The following SDHAF3 variants were observed in gnomAD, a reference collection of about 807,000 sequenced individuals.
SDHAF3 encodes succinate dehydrogenase assembly factor 3, mitochondrial.
Under a neutral mutation model 11.5 loss-of-function variants are expected in SDHAF3, and 18 were observed. The observed-to-expected ratio is 1.56, with a 90% CI of 1.08 to 2.32. The LOEUF is 2.32. Among genes scored for constraint, SDHAF3 ranks in the 30% most tolerant of loss-of-function variants. The probability of loss-of-function intolerance (pLI) is 0.00; values close to 1 mark genes in which losing one functional copy is unlikely to be tolerated. For missense variants in SDHAF3, 200 were observed against 154.4 expected, an observed-to-expected ratio of 1.30 and a Z score of -1.57; for synonymous variants, 72 against 59.3, an observed-to-expected ratio of 1.21 and a Z score of -0.99.
chr7:97,180,825 T>A (rs1483710844), intron 1 of SDHAF3, among the ~76,000 whole-genome samples, 187 bp from the exon 2 acceptor site: 1 of 152,172 alleles, frequency 6.6e-6, no homozygotes, highest in Non-Finnish European at 1.5e-5. Flanking sequence ...CTTAAAGTGC[T>A]AAAAATAGAT....
At chr7:97,137,184 G>A (rs1035616029) in intron 1 of SDHAF3, among the ~76,000 whole-genome samples, 1 of 152,034 alleles carries the variant, frequency 6.6e-6, no homozygotes, top group Non-Finnish European at 1.5e-5. Context: ...GATTTACATT[G>A]TCAGTCAAAG....
intron 1 of SDHAF3, among the ~76,000 whole-genome samples, chr7:97,158,564 T>C (rs1789344182): frequency 6.6e-6 from 1 of 152,160 alleles, no homozygotes; most frequent in Non-Finnish European, 1.5e-5. Context: ...CCTCAGGTGA[T>C]CTACCCGCCT....
rs71131003 is a variant in SDHAF3, at chr7:97,142,042, C to CTTTTTTTTTTTTTTTT, written c.174+24159_174+24174dup. On this transcript the variant is annotated intron_variant, in intron 1 of 1. Coordinates refer to ENST00000432641, the MANE Select transcript of SDHAF3 (RefSeq NM_020186.3). ...AGCAATGAAATGTGTGAATTGTTGTCTTTTTTTTTTTTTTTTTTTTTTTTT... is the reference window on the plus strand; with the variant it reads ...AGCAATGAAATGTGTGAATTGTTGTCTTTTTTTTTTTTTTTTTTTTTTTTTTTTTTTTTTTTTTTTT... Among the ~76,000 whole-genome samples the CTTTTTTTTTTTTTTTT allele has an allele frequency of 1.5e-4, 9 of 61,694 alleles. 1 individual carries two copies. Among genetic ancestry groups the CTTTTTTTTTTTTTTTT allele is most frequent in the East Asian group, 1.3e-3 (2 of 1,486 alleles). The allele number at this position is 61,694 out of a possible 152,430, so 40.5% of individuals were successfully genotyped here.
In SDHAF3 at chr7:97,117,741, T is replaced by A; in HGVS notation, c.18T>A (p.Val6=). Residue 6 remains valine, a synonymous_variant, in exon 1 of 2, where the codon GTT becomes GTA. Transcript: ENST00000432641. MPGRH[V]SRVRALYKRV... is the part of the protein sequence containing the mutation. Reference sequence around the variant, plus strand: ...GGGGCGCTATGCCGGGGCGGCACGTTTCTCGAGTCCGGGCATTGTACAAGC... The same window carrying A: ...GGGGCGCTATGCCGGGGCGGCACGTATCTCGAGTCCGGGCATTGTACAAGC... 1 of 1,613,430 alleles carries A rather than the reference T, an allele frequency of 6.2e-7. No homozygotes were observed. Among genetic ancestry groups the A allele is most frequent in the Non-Finnish European group, 8.5e-7 (1 of 1,179,618 alleles).
intron 1 of SDHAF3, among the ~76,000 whole-genome samples, chr7:97,156,569 A>G (rs1789303891): frequency 6.6e-6 from 1 of 152,152 alleles, no homozygotes; most frequent in Non-Finnish European, 1.5e-5. Flanking sequence ...ATTTAAATCC[A>G]TTTAACTGAC....
In SDHAF3 at chr7:97,181,551, T is replaced by G. The variant is rs1262655990; in HGVS notation, c.*336T>G. On this transcript the variant is annotated 3_prime_UTR_variant, in exon 2 of 2. Coordinates refer to ENST00000432641, the MANE Select transcript of SDHAF3 (RefSeq NM_020186.3). ...TCAAATAAGCATGTTGTGATAATGA[T>G]AGATGTACAATTCCAACAAGGTTAT... The G allele has an allele frequency of 5.6e-6, 1 of 179,052 alleles. No homozygotes were observed. Among genetic ancestry groups the G allele is most frequent in the East Asian group, 1.5e-4 (1 of 6,628 alleles). The allele number at this position is 179,052 out of a possible 1,614,324, so 11.1% of individuals were successfully genotyped here. A position where few individuals can be genotyped will look rare whatever the true frequency, so the allele number is the denominator to read the frequency against.
intron 1 of SDHAF3, chr7:97,142,669 A>G (rs1362597602): frequency 6.6e-6 from 1 of 152,070 alleles, no homozygotes; most frequent in Non-Finnish European, 1.5e-5. Flanking sequence ...CCGATTTATT[A>G]TAGGGTTTTA....
intron 1 of SDHAF3, among the ~76,000 whole-genome samples, chr7:97,160,182 C>T (rs1789381975): frequency 1.5e-5 from 2 of 136,210 alleles, no homozygotes; most frequent in South Asian, 2.4e-4. Flanking sequence ...GCCCGGCCAC[C>T]CATCGTCTGG....
intron 1 of SDHAF3, among the ~76,000 whole-genome samples, chr7:97,159,808 C>T (rs527267753): frequency 6.6e-6 from 1 of 152,148 alleles, no homozygotes; most frequent in Non-Finnish European, 1.5e-5. Flanking sequence ...TACCTGATTG[C>T]TGTAAGCTTT....
intron 1 of SDHAF3, among the ~76,000 whole-genome samples, chr7:97,143,416 C>T (rs988320403): frequency 6.6e-6 from 1 of 152,000 alleles, no homozygotes; most frequent in African/African-American, 2.4e-5. Flanking sequence ...GAGCAGTATA[C>T]ACTGCACCAT....
chr7:97,119,304 T>A (rs1791455198), intron 1 of SDHAF3, among the ~76,000 whole-genome samples: 1 of 152,150 alleles, frequency 6.6e-6, no homozygotes, highest in African/African-American at 2.4e-5. Flanking sequence ...TCTTAAAATG[T>A]AAGCACATGG....
At chr7:97,171,988 C>T (rs1013525422) in intron 1 of SDHAF3, among the ~76,000 whole-genome samples, 2 of 152,066 alleles carry the variant, frequency 1.3e-5, no homozygotes, top group African/African-American at 2.4e-5. Flanking sequence ...TCCTTATCCC[C>T]AAATTTTTCC....
chr7:97,145,050 G>GTT (rs545292829), intron 1 of SDHAF3, among the ~76,000 whole-genome samples: 47 of 131,460 alleles, frequency 3.6e-4, no homozygotes, highest in African/African-American at 1.1e-3. Flanking sequence ...AGTATTTTTT[G>GTT]TTTTTTTTTT....
At chr7:97,143,665 CTGTGTGTGTGTG>C (rs3029495) in intron 1 of SDHAF3, among the ~76,000 whole-genome samples, 8 of 147,948 alleles carry the variant, frequency 5.4e-5, no homozygotes, top group Non-Finnish European at 1.0e-4. Flanking sequence ...TAGTGTTCCA[CTGTGTGTGTGTG>C]TGTGTGTGTG....
At chr7:97,148,816 A>G (rs1399303431) in intron 1 of SDHAF3, among the ~76,000 whole-genome samples, 2 of 152,210 alleles carry the variant, frequency 1.3e-5, no homozygotes, top group African/African-American at 4.8e-5. Flanking sequence ...CTAAATGAAA[A>G]AATTGTGCTT....
intron 1 of SDHAF3, among the ~76,000 whole-genome samples, chr7:97,133,437 C>A (rs995232982): frequency 6.6e-6 from 1 of 152,098 alleles, no homozygotes; most frequent in Non-Finnish European, 1.5e-5. Context: ...GAGCTTTTTT[C>A]ATCAGACCTC....
At chr7:97,139,151 G>A (rs773786193) in intron 1 of SDHAF3, among the ~76,000 whole-genome samples, 36 of 152,372 alleles carry the variant, frequency 2.4e-4, no homozygotes, top group African/African-American at 6.5e-4. Context: ...ACCTGTGTTC[G>A]GTGGTTCCTG....
intron 1 of SDHAF3, among the ~76,000 whole-genome samples, chr7:97,142,028 G>GTGTGAAT (rs2115668462): frequency 7.4e-6 from 1 of 135,668 alleles, no homozygotes; most frequent in East Asian, 2.6e-4. Context: ...GCAATGAAAT[G>GTGTGAAT]TGTGAATTGT....
intron 1 of SDHAF3, among the ~76,000 whole-genome samples, chr7:97,178,013 G>T (rs1789710540): frequency 6.6e-6 from 1 of 151,978 alleles, no homozygotes; most frequent in Admixed American, 6.6e-5. Flanking sequence ...CATTATTCTA[G>T]ATTTTTCCTC....
Sources: allele counts gnomAD v4.1 joint callset (sites outside exome capture counted in the v4.1 genomes callset), GRCh38; gene constraint gnomAD v4.1.1; transcripts MANE v1.5; gene names NCBI Gene and HGNC (gene_info 2026-07-23, HGNC 2026-07-21).